RBM44: variants seen among roughly 807,000 people sequenced by gnomAD.
The protein encoded by RBM44 is RNA binding motif protein 44, also known as RNA-binding protein 44.
In RBM44, 66 loss-of-function variants were observed where a neutral mutation model predicts 105.1. The ratio of observed to expected loss-of-function variants is 0.63; its 90% confidence interval spans 0.52 to 0.77. RBM44 has a LOEUF of 0.77. RBM44 is among the 30% of genes least tolerant of loss of function. The pLI is 0.00. For synonymous variants in RBM44, 365 were observed against 417.6 expected (o/e 0.87, Z 1.54); for missense variants, 1,122 against 1,207.8 (o/e 0.93, Z 1.05).
intron 8 of RBM44, 130 bp from the exon 9 acceptor site, chr2:237,823,310 G>A (rs370632877): frequency 3.7e-6 from 2 of 544,256 alleles, no homozygotes; most frequent in African/African-American, 1.9e-5. Context: ...AGGTCAGGTT[G>A]ATAATGTTTT....
intron 12 of RBM44, among the ~76,000 whole-genome samples, chr2:237,827,771 C>T (rs1312576917): frequency 6.6e-6 from 1 of 152,132 alleles, no homozygotes; most frequent in African/African-American, 2.4e-5. Context: ...TGCTACATGC[C>T]ACTTCATAGG....
chr2:237,837,897 A>G (rs1429875414), intron 15 of RBM44, among the ~76,000 whole-genome samples: 4 of 151,468 alleles, frequency 2.6e-5, no homozygotes, highest in African/African-American at 7.2e-5. Context: ...GGAATAGTAC[A>G]TAAACTTAGG....
rs1283376618 is a variant in RBM44 at position 237,821,266 on chromosome 2, T to C, written c.2097+12T>C. ...CTTTTGCTTCCAGGGTATGTATATA[T>C]GTTTTAGAAATAAAAAATTTTACTT... On this transcript the variant is annotated intron_variant, in intron 6 of 15. Coordinates refer to ENST00000316997, the MANE Select transcript of RBM44 (RefSeq NM_001080504.3). The C allele has an allele frequency of 1.3e-6, 2 of 1,568,378 alleles. No homozygotes were observed. The highest frequency in any genetic ancestry group is 1.7e-6 in the Non-Finnish European group (2 of 1,157,804).
intron 1 of RBM44, among the ~76,000 whole-genome samples, chr2:237,800,727 CTTTT>C (rs200312897): frequency 7.3e-6 from 1 of 137,288 alleles, no homozygotes; most frequent in African/African-American, 2.6e-5. Context: ...ACTCTCAATC[CTTTT>C]TTTTTTTTTT....
chr2:237,834,676 G>A (rs745395029), intron 15 of RBM44: 1 of 185,326 alleles, frequency 5.4e-6, no homozygotes, highest in Non-Finnish European at 1.1e-5. Flanking sequence ...TGACTTAGCC[G>A]GGTAGTTTTA....
chr2:237,829,352 C>T lies in RBM44; in HGVS notation c.2736C>T (p.Ser912=). 1 of 1,613,594 alleles carries T rather than the reference C, an allele frequency of 6.2e-7. No homozygotes were observed. The highest frequency in any genetic ancestry group is 8.5e-7 in the Non-Finnish European group (1 of 1,179,664). The change falls in exon 13 of 16, where the codon TCC becomes TCT. Residue 912 remains serine, a synonymous_variant. Coordinates refer to ENST00000316997, the MANE Select transcript of RBM44 (RefSeq NM_001080504.3). ...TTGGAGAATATACATCACCACTTTC[C>T]TCCAAAAATGGGAATAGAATTAGTT... ...KILGEYTSPL[S]SKNGNRISSN...
At chr2:237,816,500 A>G (rs951137435) in intron 2 of RBM44, among the ~76,000 whole-genome samples, 1 of 152,178 alleles carries the variant, frequency 6.6e-6, no homozygotes, top group Non-Finnish European at 1.5e-5. Context: ...CTGTTGTCTT[A>G]GGTCAGGCTG....
At chr2:237,819,597 A>G (rs1249621678) in intron 4 of RBM44, among the ~76,000 whole-genome samples, 3 of 152,046 alleles carry the variant, frequency 2.0e-5, no homozygotes, top group Non-Finnish European at 4.4e-5. Context: ...TAGAAGTGGC[A>G]ATTAGTAACA....
chr2:237,818,155 G>A lies in RBM44; in HGVS notation c.1236G>A (p.Met412Ile). 1.9e-6 allele frequency: 3 copies of A among 1,613,060 alleles called. No homozygotes were observed. Among genetic ancestry groups the A allele is most frequent in the Non-Finnish European group, 2.5e-6 (3 of 1,179,448 alleles). The change falls in exon 3 of 16, where the codon ATG becomes ATA. Residue 412 changes from methionine (M) to isoleucine (I), a missense_variant. Coordinates refer to ENST00000316997, the MANE Select transcript of RBM44 (RefSeq NM_001080504.3). This position sits in a 1 kb window ranked among gnomAD's most constrained non-coding sequence, Gnocchi z 4.6. ...TADSALDFSA[M>I]LPKIAVRDNQ... ...ACTCAGCCTTAGATTTTTCTGCTATGCTACCAAAGATCGCAGTCAGAGATA... is the reference window on the plus strand; with the variant it reads ...ACTCAGCCTTAGATTTTTCTGCTATACTACCAAAGATCGCAGTCAGAGATA...
At position 237,818,710 on chromosome 2, in the gene RBM44, G is replaced by GGGGAGTAAATTAAAAA. The variant is rs995257298; in HGVS notation, c.1677+132_1677+147dup. 2 of 733,878 alleles carry GGGGAGTAAATTAAAAA rather than the reference G, an allele frequency of 2.7e-6. No homozygotes were observed. Among genetic ancestry groups the GGGGAGTAAATTAAAAA allele is most frequent in the Non-Finnish European group, 4.3e-6 (2 of 467,776 alleles). The allele number at this position is 733,878 out of a possible 1,614,324, so 45.5% of individuals were successfully genotyped here. A position where few individuals can be genotyped will look rare whatever the true frequency, so the allele number is the denominator to read the frequency against. ...GCTTTTGTGAGAAGATGCTAGATGA[G>GGGGAGTAAATTAAAAA]GGGAGTAAATTAAAAAGGGAGTAAA... On this transcript the variant is annotated intron_variant, in intron 3 of 15. Coordinates refer to ENST00000316997, the MANE Select transcript of RBM44 (RefSeq NM_001080504.3). The surrounding 1 kb of genome is among the most constrained non-coding windows in gnomAD (Gnocchi z 4.6).
At chr2:237,813,705 C>G in intron 2 of RBM44, 23 bp downstream of exon 2, 1 of 1,495,868 alleles carries the variant, frequency 6.7e-7, no homozygotes, top group Non-Finnish European at 9.3e-7. Context: ...TCCACTTACC[C>G]TTATTCTTGG....
rs200181010 is a variant in RBM44 at position 237,824,366 on chromosome 2, G to T, written c.2396G>T (p.Gly799Val). 133 of 1,612,736 alleles carry T rather than the reference G, an allele frequency of 8.2e-5. No homozygotes were observed. In the African/African-American group the frequency reaches 1.5e-3, roughly 18 times the overall value. ...AGCCTGACAGGAGTTGACGTCTCAGGGACACAGGGAAATCAAGTAGAACAA... is the reference window on the plus strand; with the variant it reads ...AGCCTGACAGGAGTTGACGTCTCAGTGACACAGGGAAATCAAGTAGAACAA... ...KESLTGVDVS[G>V]TQGNQVEQDT... Residue 799 changes from glycine (G) to valine (V), a missense_variant, in exon 10 of 16, where the codon GGG becomes GTG. By Grantham distance (109) the Gly-to-Val change is moderately radical. This residue lies in a region of RBM44 where 918 missense variants were observed against 955.3 expected (regional missense o/e 0.96). Transcript: ENST00000316997.
chr2:237,818,563 C>T lies in RBM44; in HGVS notation c.1644C>T (p.Asp548=). The change falls in exon 3 of 16, where the codon GAC becomes GAT. Residue 548 remains aspartate (D), a synonymous_variant. Transcript: ENST00000316997. The surrounding 1 kb of genome is among the most constrained non-coding windows in gnomAD (Gnocchi z 4.6). ...TKGSGKSLSV[D]SLKPNGNFLN... ...GATCAGGAAAATCTCTCTCCGTTGA[C>T]AGTTTAAAACCTAATGGAAATTTTC... 6.4e-7 allele frequency: 1 copy of T among 1,561,556 alleles called. No individual in the cohort carries two copies. The highest frequency in any genetic ancestry group is 8.6e-7 in the Non-Finnish European group (1 of 1,159,130).
intron 15 of RBM44, among the ~76,000 whole-genome samples, chr2:237,837,440 A>G (rs1388132717): frequency 2.0e-5 from 3 of 152,172 alleles, no homozygotes; most frequent in Non-Finnish European, 2.9e-5. Flanking sequence ...GAGAGGAGGT[A>G]AAAATATCAA....
rs1052578344 is a variant in RBM44 at position 237,841,190 on chromosome 2, C to T, written c.*23-649C>T. ...AACCTAAATGCCCATCCGTGGTAGA[C>T]TGGATAAAGATAAGTGTATATATAC... On this transcript the variant is annotated intron_variant, in intron 15 of 15. Coordinates refer to ENST00000316997, the MANE Select transcript of RBM44 (RefSeq NM_001080504.3). This position sits in a 1 kb window ranked among gnomAD's most constrained non-coding sequence, Gnocchi z 4.5. 2.6e-5 allele frequency among the ~76,000 whole-genome samples: 4 copies of T among 152,128 alleles called. No individual in the cohort carries two copies. The highest frequency in any genetic ancestry group is 4.4e-5 in the Non-Finnish European group (3 of 68,038).
At chr2:237,828,522 G>T (rs1043082513) in intron 12 of RBM44, among the ~76,000 whole-genome samples, 3 of 151,988 alleles carry the variant, frequency 2.0e-5, no homozygotes, top group Non-Finnish European at 4.4e-5. Flanking sequence ...TTTGCATTCT[G>T]TGTAGAAATT....
chr2:237,826,919 T>G (rs1435502438), intron 10 of RBM44, among the ~76,000 whole-genome samples: 1 of 152,056 alleles, frequency 6.6e-6, no homozygotes, highest in Non-Finnish European at 1.5e-5. Context: ...CCTTGGAGTG[T>G]CCTAGAACCA....
At chr2:237,835,351 T>C (rs2150990423) in intron 15 of RBM44, among the ~76,000 whole-genome samples, 1 of 152,290 alleles carries the variant, frequency 6.6e-6, no homozygotes, top group Non-Finnish European at 1.5e-5. Context: ...ATTAAATGAC[T>C]CTTAAAAGAA....
chr2:237,809,449 T>G (rs1480761435), intron 1 of RBM44, among the ~76,000 whole-genome samples: 1 of 152,240 alleles, frequency 6.6e-6, no homozygotes, highest in South Asian at 2.1e-4. Context: ...TCTCTAGTTC[T>G]TTCTTTTACT....
Sources: gnomAD v4.1 joint callset for allele counts (sites outside exome capture counted in the v4.1 genomes callset) on GRCh38, gnomAD v4.1.1 for gene constraint, gnomAD v4.1.1 regional missense constraint, Gnocchi (gnomAD v3.1) non-coding constraint, MANE v1.5 for transcripts, NCBI Gene and HGNC (gene_info 2026-07-23, HGNC 2026-07-21) for gene names.